The following SDK1 variants were observed in gnomAD, a reference collection of about 807,000 sequenced individuals.
SDK1 encodes the protein sidekick cell adhesion molecule 1.
SDK1 carries 157 observed loss-of-function variants against 245.5 expected under a neutral mutation model. The ratio of observed to expected loss-of-function variants is 0.64; its 90% CI spans 0.56 to 0.73. The LOEUF (loss-of-function observed/expected upper bound fraction) is 0.73, where lower values mean the gene tolerates loss of function less well. SDK1 is among the 30% of genes least tolerant of loss of function. The pLI is 0.00. For missense variants in SDK1, 3,583 were observed against 3,002.3 expected (o/e 1.19, Z -4.52); for synonymous variants, 1,647 against 1,278.5 (o/e 1.29, Z -6.15).
Position 4,194,609 on chromosome 7 carries a change from T to C in SDK1, c.5099-11270T>C, listed in dbSNP as rs115976183. Among the ~76,000 whole-genome samples, 1,474 of 152,208 alleles carry C rather than the reference T, an allele frequency of 9.7e-3. 25 individuals are homozygous for C. The highest frequency in any genetic ancestry group is 0.034 in the African/African-American group (1,393 of 41,528). ...CCTCAAAACTGAACAACTTGGAGTC[T>C]GATATTCAAAGGCAGGAAGCTTCCA... On this transcript the variant is annotated intron_variant, in intron 35 of 44. Transcript: ENST00000404826.
rs115463615 is a variant in SDK1, at chr7:3,948,706, C to T, written c.848-2217C>T. The stretch of plus-strand genomic sequence containing the variant: ...GGGCTGCGAACTCAGCCTTGGGGCT[C>T]ATCTGTCCACAGCACAGCCCCTTGG... On this transcript the variant is annotated intron_variant, in intron 5 of 44. Transcript: ENST00000404826. 4.9e-3 allele frequency among the ~76,000 whole-genome samples: 751 copies of T among 152,312 alleles called. 7 individuals are homozygous for T. Among genetic ancestry groups the T allele is most frequent in the African/African-American group, 0.017 (709 of 41,578 alleles).
rs143598091 is a variant in SDK1, at chr7:3,676,111, G to A, written c.713+34006G>A. Reference sequence around the variant, plus strand: ...CTCCCAAGTAGCTGGGACTACAGGTGCATGCCATCACACCTGGCTAAATTT... The same window carrying A: ...CTCCCAAGTAGCTGGGACTACAGGTACATGCCATCACACCTGGCTAAATTT... On this transcript the variant is annotated intron_variant, in intron 4 of 44. Coordinates refer to ENST00000404826, the MANE Select transcript of SDK1 (RefSeq NM_152744.4). 4.2e-3 allele frequency among the ~76,000 whole-genome samples: 633 copies of A among 152,158 alleles called. 4 individuals are homozygous for A. Among genetic ancestry groups the A allele is most frequent in the African/African-American group, 0.014 (592 of 41,506 alleles).
chr7:3,728,644 C>T (rs76995665), intron 4 of SDK1, among the ~76,000 whole-genome samples: 7,255 of 152,234 alleles, frequency 0.048, 220 homozygotes, highest in South Asian at 0.082. Context: ...CTCACTCTGT[C>T]GGCCTGACTG....
rs977382764 is a variant in SDK1, at chr7:3,866,564, T to C, written c.847+44981T>C. On this transcript the variant is annotated intron_variant, in intron 5 of 44. Coordinates refer to ENST00000404826, the MANE Select transcript of SDK1 (RefSeq NM_152744.4). Reference sequence around the variant, plus strand: ...GGAGGGCAGGATGAGATGATGAATTTTGAGGAGAGGCTCTCCAGAACAGTG... The same window carrying C: ...GGAGGGCAGGATGAGATGATGAATTCTGAGGAGAGGCTCTCCAGAACAGTG... Among the ~76,000 whole-genome samples the C allele has an allele frequency of 4.6e-5, 7 of 152,114 alleles. No homozygotes were observed. The East Asian group carries it at 1.4e-3, about 29-fold the overall frequency.
chr7:3,881,234 C>G (rs1343879536), intron 5 of SDK1, among the ~76,000 whole-genome samples: 1 of 152,152 alleles, frequency 6.6e-6, no homozygotes, highest in African/African-American at 2.4e-5. Flanking sequence ...ATTAGTTATT[C>G]TTCCTGATGC....
In SDK1 at chr7:3,403,855, ATATATATATATATAAT is replaced by A. The variant is rs1346949421; in HGVS notation, c.298+101972_298+101987del. ...TATATATATATATATATATATATAT[ATATATATATATATAAT>A]ATATATATTTATTTATATTATATAT... On this transcript the variant is annotated intron_variant, in intron 1 of 44. Transcript: ENST00000404826. 3.2e-4 allele frequency among the ~76,000 whole-genome samples: 29 copies of A among 91,684 alleles called. 1 individual carries two copies. The highest frequency in any genetic ancestry group is 1.4e-3 in the African/African-American group (26 of 17,968). The allele number at this position is 91,684 out of a possible 152,430, so 60.1% of individuals were successfully genotyped here.
Position 3,951,894 on chromosome 7 carries a change from G to A in SDK1, c.1124G>A (p.Arg375Lys), listed in dbSNP as rs752266363. The stretch of plus-strand genomic sequence containing the variant: ...CCGGGGAGCGCTTTTGAACCGGCCA[G>A]GGCGACGGCCTTTCTTTTCATCATA... ...ALPGSAFEPA[R>K]ATAFLFIIEP... Residue 375 changes from arginine to lysine, a missense_variant, in exon 7 of 45, where the codon AGG becomes AAG. Coordinates refer to ENST00000404826, the MANE Select transcript of SDK1 (RefSeq NM_152744.4). The A allele has an allele frequency of 2.0e-5, 33 of 1,613,070 alleles. No homozygotes were observed. The highest frequency in any genetic ancestry group is 2.8e-5 in the Non-Finnish European group (33 of 1,179,940).
At chr7:3,921,077 G>C (rs940261199) in intron 5 of SDK1, among the ~76,000 whole-genome samples, 1 of 152,104 alleles carries the variant, frequency 6.6e-6, no homozygotes, top group Non-Finnish European at 1.5e-5. Context: ...TATTAGATGA[G>C]CAATAAGTGT....
chr7:3,350,772 T>A (rs927577221), intron 1 of SDK1, among the ~76,000 whole-genome samples: 1 of 152,190 alleles, frequency 6.6e-6, no homozygotes, highest in African/African-American at 2.4e-5. Context: ...CTGGCTTGTT[T>A]ACTTCTCACG....
intron 17 of SDK1, among the ~76,000 whole-genome samples, chr7:4,048,497 G>T (rs924049668): frequency 1.2e-4 from 18 of 148,412 alleles, no homozygotes; most frequent in African/African-American, 4.5e-4. Flanking sequence ...CCCTCGTCCA[G>T]CCGTGCTCCG....
At chr7:3,469,851 C>T (rs758790951) in intron 1 of SDK1, among the ~76,000 whole-genome samples, 8 of 152,140 alleles carry the variant, frequency 5.3e-5, no homozygotes, top group Non-Finnish European at 1.0e-4. Context: ...CCTAAGATTT[C>T]AGATCAGGTA....
chr7:3,832,095 C>T (rs895106154), intron 5 of SDK1, among the ~76,000 whole-genome samples: 7 of 152,026 alleles, frequency 4.6e-5, no homozygotes, highest in African/African-American at 7.2e-5. Context: ...ATTTAATCAT[C>T]GTTTTTAATA....
At chr7:3,899,441 C>T (rs1781709031) in intron 5 of SDK1, among the ~76,000 whole-genome samples, 1 of 152,230 alleles carries the variant, frequency 6.6e-6, no homozygotes, top group African/African-American at 2.4e-5. Context: ...GATAATCACT[C>T]ATTTTCTCTC....
At chr7:3,678,242 A>C (rs1213384905) in intron 4 of SDK1, among the ~76,000 whole-genome samples, 1 of 152,244 alleles carries the variant, frequency 6.6e-6, no homozygotes, top group African/African-American at 2.4e-5. Flanking sequence ...AGTTAAAAAT[A>C]CAATTAACAG....
chr7:3,979,632 C>A (rs1447577021), intron 13 of SDK1, among the ~76,000 whole-genome samples: 2 of 152,186 alleles, frequency 1.3e-5, no homozygotes, highest in African/African-American at 4.8e-5. Context: ...GGCTTCTAAA[C>A]TCCAGATGGT....
chr7:3,386,439 G>C lies in SDK1; in HGVS notation c.298+84555G>C, dbSNP rs539879724. Among the ~76,000 whole-genome samples the C allele has an allele frequency of 2.6e-5, 4 of 152,204 alleles. No homozygotes were observed. The East Asian group carries it at 7.7e-4, about 29-fold the overall frequency. On this transcript the variant is annotated intron_variant, in intron 1 of 44. Transcript: ENST00000404826. Reference sequence around the variant, plus strand: ...TTATATAGCTTTTTGTCAGACTCTTGGAATCATTTCAAAACACACTCATAT... The same window carrying C: ...TTATATAGCTTTTTGTCAGACTCTTCGAATCATTTCAAAACACACTCATAT...
chr7:4,193,125 A>G (rs2128223131), intron 35 of SDK1, among the ~76,000 whole-genome samples: 1 of 133,710 alleles, frequency 7.5e-6, no homozygotes, highest in South Asian at 2.2e-4. Context: ...AAATATATAT[A>G]ATATATAAAT....
intron 1 of SDK1, among the ~76,000 whole-genome samples, chr7:3,389,286 T>C (rs537441315): frequency 1.3e-5 from 2 of 152,314 alleles, no homozygotes; most frequent in Non-Finnish European, 1.5e-5. Context: ...ATGGAGAGAT[T>C]ATCCTGGATT....
At chr7:3,607,330 T>C (rs1181152471) in intron 1 of SDK1, among the ~76,000 whole-genome samples, 1 of 152,196 alleles carries the variant, frequency 6.6e-6, no homozygotes, top group African/African-American at 2.4e-5. Flanking sequence ...TATACAAATA[T>C]CAGTTCCTAT....
Sources: allele counts gnomAD v4.1 joint callset (sites outside exome capture counted in the v4.1 genomes callset), GRCh38; gene constraint gnomAD v4.1.1; transcripts MANE v1.5; gene names NCBI Gene and HGNC (gene_info 2026-07-23, HGNC 2026-07-21).